Variants in CACNA1I observed in about 807,000 individuals in gnomAD.
CACNA1I encodes voltage-dependent T-type calcium channel subunit alpha-1I.
Under a neutral mutation model 201.6 loss-of-function variants are expected in CACNA1I, and 74 were observed. The observed-to-expected ratio is 0.37, with a 90% CI of 0.30 to 0.45. The LOEUF is 0.45. CACNA1I is among the 20% of genes least tolerant of loss of function. CACNA1I has a pLI of 1.00. For missense variants in CACNA1I, 2,346 were observed against 3,138.1 expected, an observed-to-expected ratio of 0.75 and a Z score of 6.03; for synonymous variants, 1,431 against 1,345.2, an observed-to-expected ratio of 1.06 and a Z score of -1.40.
intron 33 of CACNA1I, among the ~76,000 whole-genome samples, chr22:39,680,524 TG>T (rs1935672046): frequency 1.3e-5 from 2 of 152,220 alleles, no homozygotes; most frequent in Admixed American, 6.5e-5. Flanking sequence ...CCGGTGTCTC[TG>T]GGCCCCGCAG....
In CACNA1I at chr22:39,679,330, C is replaced by G. The variant is rs1935613260; in HGVS notation, c.5279C>G (p.Pro1760Arg). The G allele has an allele frequency of 1.3e-6, 2 of 1,549,496 alleles. No homozygotes were observed. Among genetic ancestry groups the G allele is most frequent in the African/African-American group, 2.7e-5 (2 of 72,970 alleles). ...CTGGAGATGGCCCATGGCCTGGGCC[C>G]TGGCCCGAGGCTGCCTACCGGCTCC... The part of the protein sequence containing the change: ...LELEMAHGLG[P>R]GPRLPTGSPG... Residue 1760 changes from proline (P) to arginine (R), a missense_variant, in exon 32 of 37, where the codon CCT becomes CGT. Around this residue, in one of 13 missense-constraint regions of CACNA1I, gnomAD observed 441 missense variants for 555.6 expected, o/e 0.79. Transcript: ENST00000402142.
At chr22:39,584,963 T>C (rs1174944036) in intron 1 of CACNA1I, among the ~76,000 whole-genome samples, 1 of 152,268 alleles carries the variant, frequency 6.6e-6, no homozygotes, top group Non-Finnish European at 1.5e-5. Flanking sequence ...ACTGTGTTGA[T>C]AACAAATAAT....
intron 3 of CACNA1I, among the ~76,000 whole-genome samples, chr22:39,611,435 AT>A (rs2146383108): frequency 6.6e-6 from 1 of 152,122 alleles, no homozygotes; most frequent in South Asian, 2.1e-4. Flanking sequence ...TAAGCCGTTG[AT>A]TTGCCTCACT....
chr22:39,581,342 G>T (rs1932540713), intron 1 of CACNA1I, among the ~76,000 whole-genome samples: 1 of 152,164 alleles, frequency 6.6e-6, no homozygotes, highest in Non-Finnish European at 1.5e-5. Flanking sequence ...GCTGGGAGAG[G>T]ATGTGCATGA....
At position 39,688,457 on chromosome 22, in the gene CACNA1I, C is replaced by T. The variant is rs1326804964; in HGVS notation, c.*2052C>T. 6.6e-6 allele frequency: 1 copy of T among 152,152 alleles called. No individual in the cohort carries two copies. Among genetic ancestry groups the T allele is most frequent in the Non-Finnish European group, 1.5e-5 (1 of 68,040 alleles). 9.4% of individuals were successfully genotyped at this position (152,152 alleles called of 1,614,324 possible). A position where few individuals can be genotyped will look rare whatever the true frequency, so the allele number is the denominator to read the frequency against. The stretch of plus-strand genomic sequence containing the variant: ...GGCAGGCTTGACTGCTCCTGGCTGA[C>T]CCTGAGCTCTCGCAGTTGGAGGGAA... On this transcript the variant is annotated 3_prime_UTR_variant, in exon 37 of 37. Coordinates refer to ENST00000402142, the MANE Select transcript of CACNA1I (RefSeq NM_021096.4). This position sits in a 1 kb window ranked among gnomAD's most constrained non-coding sequence, Gnocchi z 4.8.
At position 39,679,134 on chromosome 22, in the gene CACNA1I, G is replaced by T; in HGVS notation, c.5083G>T (p.Glu1695Ter). The T allele has an allele frequency of 6.3e-7, 1 of 1,594,236 alleles. No individual in the cohort carries two copies. The highest frequency in any genetic ancestry group is 8.5e-7 in the Non-Finnish European group (1 of 1,171,544). The change falls in exon 32 of 37, where the codon GAG (glutamate) becomes TAG (stop). Residue 1695 changes from glutamate (E) to a stop codon, truncating the protein, a stop_gained. Transcript: ENST00000402142. LOFTEE classifies it high-confidence loss of function. ...CACGCTGCGGGACTGCACCCACGAC[G>T]AGCGCAGCTGCCTGAGCAGCCTGCA... ...KDTLRDCTHD[E>*]RSCLSSLQFV... is the part of the protein sequence containing the mutation.
At chr22:39,656,099 C>T (rs567366323) in intron 10 of CACNA1I, among the ~76,000 whole-genome samples, 19 of 152,292 alleles carry the variant, frequency 1.2e-4, no homozygotes, top group South Asian at 8.3e-4. Flanking sequence ...TCTTTTGGGA[C>T]GACTTCTTGA....
intron 1 of CACNA1I, among the ~76,000 whole-genome samples, chr22:39,591,017 A>AT (rs1569050545): frequency 0.036 from 4,167 of 116,562 alleles, 199 homozygotes; most frequent in African/African-American, 0.11. Flanking sequence ...CTAATTAAAA[A>AT]ATTTTTTTTT....
intron 1 of CACNA1I, among the ~76,000 whole-genome samples, chr22:39,571,423 T>C (rs562665338): frequency 1.4e-3 from 220 of 152,310 alleles, no homozygotes; most frequent in Middle Eastern, 6.8e-3. Context: ...CTCATTCTCC[T>C]TACTGTGCCT....
Position 39,665,754 on chromosome 22 carries a change from A to G in CACNA1I, c.3979-127A>G, listed in dbSNP as rs1935169698. 6.5e-7 allele frequency: 1 copy of G among 1,534,510 alleles called. No individual in the cohort carries two copies. Among genetic ancestry groups the G allele is most frequent in the Non-Finnish European group, 8.9e-7 (1 of 1,120,842 alleles). On this transcript the variant is annotated intron_variant, in intron 22 of 36. Coordinates refer to ENST00000402142, the MANE Select transcript of CACNA1I (RefSeq NM_021096.4). The surrounding 1 kb of genome is among the most constrained non-coding windows in gnomAD (Gnocchi z 5.5). ...CCAGCTGTGGGCTTCTCCTCCAGGG[A>G]GGGAGACAGACATGGGCCCAGATGA... is the stretch of plus-strand genomic sequence containing the variant.
chr22:39,665,645 G>A lies in CACNA1I; in HGVS notation c.3978+21G>A, dbSNP rs748480364. On this transcript the variant is annotated intron_variant, in intron 22 of 36. Transcript: ENST00000402142. The surrounding 1 kb of genome is among the most constrained non-coding windows in gnomAD (Gnocchi z 5.5). Reference sequence around the variant, plus strand: ...TGCAGGTGAGGGGTGCCCAGTCTGGGCAGGGACTGGGCTCTGTGACTGGGG... The same window carrying A: ...TGCAGGTGAGGGGTGCCCAGTCTGGACAGGGACTGGGCTCTGTGACTGGGG... 30 of 1,612,118 alleles carry A rather than the reference G, an allele frequency of 1.9e-5. No individual in the cohort carries two copies. In the South Asian group the frequency reaches 3.2e-4, roughly 17 times the overall value.
Position 39,600,513 on chromosome 22 carries a change from C to T in CACNA1I, c.349-7C>T, listed in dbSNP as rs1338449185. The T allele has an allele frequency of 1.2e-6, 2 of 1,610,490 alleles. No homozygotes were observed. The highest frequency in any genetic ancestry group is 3.4e-5 in the Admixed American group (2 of 59,564). On this transcript the variant is annotated splice_region_variant and splice_polypyrimidine_tract_variant and intron_variant, in intron 2 of 36. Transcript: ENST00000402142. The stretch of plus-strand genomic sequence containing the variant: ...TGTCCCTTGCTTCCCTCCTCCTGCC[C>T]CTGCAGGTCTTTGATGACTTCATCT...
chr22:39,660,357 G>T lies in CACNA1I; in HGVS notation c.2618G>T (p.Arg873Leu). The change falls in exon 15 of 37, where the codon CGC becomes CTC. Residue 873 changes from arginine to leucine, a missense_variant. Around this residue, in one of 13 missense-constraint regions of CACNA1I, gnomAD observed 92 missense variants for 114.5 expected, o/e 0.80. Coordinates refer to ENST00000402142, the MANE Select transcript of CACNA1I (RefSeq NM_021096.4). ...ATGCTCTCCCAGGGTGACGCCAATC[G>T]CTCCTACTCGGACGAGGACCAGAGC... The part of the protein sequence containing the change: ...EGFQAEGDAN[R>L]SYSDEDQSSS... 1.2e-6 allele frequency: 2 copies of T among 1,612,396 alleles called. No homozygotes were observed. The highest frequency in any genetic ancestry group is 1.7e-6 in the Non-Finnish European group (2 of 1,179,418).
In CACNA1I at chr22:39,649,702, A is replaced by G; in HGVS notation, c.1769A>G (p.Asp590Gly). The G allele has an allele frequency of 1.3e-6, 2 of 1,522,606 alleles. No homozygotes were observed. The highest frequency in any genetic ancestry group is 1.4e-5 in the African/African-American group (1 of 72,764). 94.3% of individuals were successfully genotyped at this position (1,522,606 alleles called of 1,614,324 possible). A position where few individuals can be genotyped will look rare whatever the true frequency, so the allele number is the denominator to read the frequency against. The change falls in exon 10 of 37, where the codon GAT becomes GGT. Residue 590 changes from aspartate to glycine, a missense_variant. Physicochemically the swap from Asp to Gly is moderately conservative, Grantham distance 94. This residue lies in a region of CACNA1I where 312 missense variants were observed against 331.5 expected (regional missense o/e 0.94). Coordinates refer to ENST00000402142, the MANE Select transcript of CACNA1I (RefSeq NM_021096.4). This position sits in a 1 kb window ranked among gnomAD's most constrained non-coding sequence, Gnocchi z 7.3. ...TCCGCTGGTGGCGAGGACGAGGCGG[A>G]TGGGGACGGGGCCCGGAGCAGCGAG... Reference protein sequence around the residue: ...GSSAGGEDEADGDGARSSEDG... With the variant: ...GSSAGGEDEAGGDGARSSEDG...
intron 26 of CACNA1I, among the ~76,000 whole-genome samples, 172 bp from the exon 27 acceptor site, chr22:39,672,027 A>G: frequency 6.6e-6 from 1 of 152,248 alleles, no homozygotes; most frequent in East Asian, 1.9e-4. Context: ...GAATAGCAGC[A>G]TAAAATAAAT....
chr22:39,664,745 T>G lies in CACNA1I; in HGVS notation c.3673T>G (p.Ser1225Ala), dbSNP rs759742222. The G allele has an allele frequency of 1.6e-5, 18 of 1,158,874 alleles. No homozygotes were observed. The highest frequency in any genetic ancestry group is 1.3e-5 in the Non-Finnish European group (11 of 844,228). The allele number at this position is 1,158,874 out of a possible 1,614,324, so 71.8% of individuals were successfully genotyped here. ...GGCCCCACCCCCGCCCCAGGTAGTC[T>G]CGCTGGGCCTGTACTTCGGCGAGCA... ...FVGEMTLKVVSLGLYFGEQAY... is the reference protein window; with the variant it reads ...FVGEMTLKVVALGLYFGEQAY... The change falls in exon 21 of 37, where the codon TCG (serine) becomes GCG (alanine). Residue 1225 changes from serine (S) to alanine (A), a missense_variant. Ser to Ala is a moderately conservative substitution (Grantham distance 99). This residue lies in a region of CACNA1I where 158 missense variants were observed against 231.6 expected (regional missense o/e 0.68). Coordinates refer to ENST00000402142, the MANE Select transcript of CACNA1I (RefSeq NM_021096.4).
At position 39,659,145 on chromosome 22, in the gene CACNA1I, T is replaced by C; in HGVS notation, c.2330+29T>C. On this transcript the variant is annotated intron_variant, in intron 12 of 36. Coordinates refer to ENST00000402142, the MANE Select transcript of CACNA1I (RefSeq NM_021096.4). This position sits in a 1 kb window ranked among gnomAD's most constrained non-coding sequence, Gnocchi z 4.3. ...AGCCTGCCCTGCTGGGGGCCATACCTCAGCACCTGCTGGGGCTGTGGGCGG... is the reference window on the plus strand; with the variant it reads ...AGCCTGCCCTGCTGGGGGCCATACCCCAGCACCTGCTGGGGCTGTGGGCGG... 1 of 1,607,044 alleles carries C rather than the reference T, an allele frequency of 6.2e-7. No homozygotes were observed. Among genetic ancestry groups the C allele is most frequent in the Non-Finnish European group, 8.5e-7 (1 of 1,176,862 alleles).
At chr22:39,584,103 A>G (rs779120941) in intron 1 of CACNA1I, among the ~76,000 whole-genome samples, 5 of 152,234 alleles carry the variant, frequency 3.3e-5, no homozygotes, top group African/African-American at 4.8e-5. Context: ...GCTGCCATGG[A>G]GGTGGGGGAT....
chr22:39,686,438 GC>G lies in CACNA1I; in HGVS notation c.*37del. ...AGGGGCCCCCGGCCGCCCACCGCCC[GC>G]CCCGTCTCACCTTCTTTACCTCAGG... On this transcript the variant is annotated 3_prime_UTR_variant, in exon 37 of 37. Transcript: ENST00000402142. 1 of 1,207,232 alleles carries G rather than the reference GC, an allele frequency of 8.3e-7. No homozygotes were observed. The highest frequency in any genetic ancestry group is 1.0e-6 in the Non-Finnish European group (1 of 964,700). 74.8% of individuals were successfully genotyped at this position (1,207,232 alleles called of 1,614,324 possible). A position where few individuals can be genotyped will look rare whatever the true frequency, so the allele number is the denominator to read the frequency against.
Sources: gnomAD v4.1 joint callset for allele counts (sites outside exome capture counted in the v4.1 genomes callset) on GRCh38, gnomAD v4.1.1 for gene constraint, gnomAD v4.1.1 regional missense constraint, Gnocchi (gnomAD v3.1) non-coding constraint, MANE v1.5 for transcripts, NCBI Gene and HGNC (gene_info 2026-07-23, HGNC 2026-07-21) for gene names.